Variants in PIGK observed in about 807,000 individuals in gnomAD.
PIGK encodes the protein GPI-anchor transamidase.
PIGK carries 42 observed loss-of-function variants against 50.6 expected under a neutral mutation model. The ratio of observed to expected loss-of-function variants is 0.83; its 90% confidence interval spans 0.65 to 1.07. The LOEUF (loss-of-function observed/expected upper bound fraction) is 1.07. PIGK is among the 50% of genes least tolerant of loss of function. PIGK has a pLI of 0.00. For missense variants in PIGK, 448 were observed against 488.7 expected (o/e 0.92, Z 0.78); for synonymous variants, 151 against 156.0 (o/e 0.97, Z 0.24).
intron 9 of PIGK, among the ~76,000 whole-genome samples, chr1:77,149,197 A>C (rs1283913766): frequency 6.6e-6 from 1 of 152,190 alleles, no homozygotes; most frequent in Non-Finnish European, 1.5e-5. Context: ...GTTACAAAAT[A>C]ACTAGAAAAC....
At chr1:77,136,259 GT>G (rs1654510971) in intron 9 of PIGK, among the ~76,000 whole-genome samples, 1 of 152,070 alleles carries the variant, frequency 6.6e-6, no homozygotes, top group Admixed American at 6.5e-5. Context: ...GCCGGGCGCG[GT>G]GGCTCACGCC....
chr1:77,173,658 A>C (rs1378631680), intron 3 of PIGK, among the ~76,000 whole-genome samples: 1 of 152,230 alleles, frequency 6.6e-6, no homozygotes, highest in Non-Finnish European at 1.5e-5. Flanking sequence ...AAGGATTCTG[A>C]GGCTATTCTT....
chr1:77,158,326 CT>C (rs554236558), intron 8 of PIGK, among the ~76,000 whole-genome samples: 46 of 148,068 alleles, frequency 3.1e-4, no homozygotes, highest in East Asian at 7.9e-4. Flanking sequence ...CTAAATCTCT[CT>C]TTTTTTTTTT....
chr1:77,173,221 G>C (rs746811250), intron 3 of PIGK, among the ~76,000 whole-genome samples: 2 of 152,154 alleles, frequency 1.3e-5, no homozygotes, highest in Non-Finnish European at 2.9e-5. Context: ...GAACAACGCA[G>C]TGAAATGCAT....
chr1:77,091,610 A>T lies in PIGK; in HGVS notation c.*764T>A, dbSNP rs1373348417. 6.6e-6 allele frequency: 1 copy of T among 152,182 alleles called. No individual in the cohort carries two copies. Among genetic ancestry groups the T allele is most frequent in the African/African-American group, 2.4e-5 (1 of 41,460 alleles). 9.4% of individuals were successfully genotyped at this position (152,182 alleles called of 1,614,324 possible). A position where few individuals can be genotyped will look rare whatever the true frequency, so the allele number is the denominator to read the frequency against. Reference sequence around the variant, plus strand: ...TTTCTCTTGAGCAGTCAGTACGTGAAATTATCAAAGGTCTAAAATTTCCCA... The same window carrying T: ...TTTCTCTTGAGCAGTCAGTACGTGATATTATCAAAGGTCTAAAATTTCCCA... On this transcript the variant is annotated 3_prime_UTR_variant, in exon 11 of 11. Transcript: ENST00000370812.
At chr1:77,207,330 C>T (rs1174196668) in intron 2 of PIGK, among the ~76,000 whole-genome samples, 2 of 152,182 alleles carry the variant, frequency 1.3e-5, no homozygotes, top group Non-Finnish European at 2.9e-5. Context: ...GACTCAGTAA[C>T]ATTCCTATTT....
At chr1:77,103,644 A>G (rs1033779043) in intron 10 of PIGK, among the ~76,000 whole-genome samples, 3 of 152,206 alleles carry the variant, frequency 2.0e-5, no homozygotes, top group African/African-American at 7.2e-5. Flanking sequence ...ACAGCACAAG[A>G]AAAGAGACCC....
intron 9 of PIGK, among the ~76,000 whole-genome samples, chr1:77,126,674 C>G (rs1473768508): frequency 6.6e-6 from 1 of 152,188 alleles, no homozygotes; most frequent in Non-Finnish European, 1.5e-5. Flanking sequence ...GTCATCCATA[C>G]ATTCTAAGCC....
rs1395930883 is a variant in PIGK at position 77,089,756 on chromosome 1, AACT to A, written c.*2615_*2617del. On this transcript the variant is annotated 3_prime_UTR_variant, in exon 11 of 11. Coordinates refer to ENST00000370812, the MANE Select transcript of PIGK (RefSeq NM_005482.3). ...TCCAATTTAATCAGCTTTGTATCCAAACTACATTTTCCTTTCATAAACTGCAAA... is the reference window on the plus strand; with the variant it reads ...TCCAATTTAATCAGCTTTGTATCCAAACATTTTCCTTTCATAAACTGCAAA... 5.2e-5 allele frequency: 8 copies of A among 152,662 alleles called. No homozygotes were observed. The highest frequency in any genetic ancestry group is 1.9e-4 in the African/African-American group (8 of 41,446). The allele number at this position is 152,662 out of a possible 1,614,324, so 9.5% of individuals were successfully genotyped here. A position where few individuals can be genotyped will look rare whatever the true frequency, so the allele number is the denominator to read the frequency against.
At chr1:77,109,834 G>A (rs1254740624) in intron 10 of PIGK, among the ~76,000 whole-genome samples, 8 of 152,280 alleles carry the variant, frequency 5.3e-5, no homozygotes, top group Admixed American at 2.0e-4. Context: ...CCTGTTTGCA[G>A]ATGACATGAT....
intron 10 of PIGK, among the ~76,000 whole-genome samples, chr1:77,119,528 T>A (rs531402545): frequency 6.6e-6 from 1 of 152,296 alleles, no homozygotes; most frequent in African/African-American, 2.4e-5. Flanking sequence ...ATAACTTGAG[T>A]CTCCTGGGTT....
chr1:77,152,076 C>T (rs190320394), intron 9 of PIGK, among the ~76,000 whole-genome samples: 96 of 152,028 alleles, frequency 6.3e-4, no homozygotes, highest in African/African-American at 2.1e-3. Context: ...CAAAGCTGGA[C>T]GCATCATACT....
intron 9 of PIGK, among the ~76,000 whole-genome samples, chr1:77,143,418 T>G (rs551232972): frequency 6.2e-4 from 94 of 152,220 alleles, no homozygotes; most frequent in African/African-American, 2.1e-3. Context: ...TATAAAAAAT[T>G]TTTGTGACCC....
intron 1 of PIGK, among the ~76,000 whole-genome samples, chr1:77,219,079 G>A (rs1481891024): frequency 6.6e-6 from 1 of 152,190 alleles, no homozygotes; most frequent in Non-Finnish European, 1.5e-5. Flanking sequence ...AGGAGCAAAG[G>A]ATCAGGTCCT....
chr1:77,169,470 G>T, intron 3 of PIGK, 75 bp from the exon 4 acceptor site: 1 of 1,172,628 alleles, frequency 8.5e-7, no homozygotes, highest in Non-Finnish European at 1.2e-6. Flanking sequence ...TTTATATCAT[G>T]TAGCTACTGT....
chr1:77,161,541 A>C, intron 7 of PIGK, 53 bp downstream of exon 7: 1 of 977,758 alleles, frequency 1.0e-6, no homozygotes, highest in East Asian at 2.4e-5. Context: ...TTGGTTTCAG[A>C]AATAGCTGCA....
rs755376872 is a variant in PIGK, at chr1:77,122,345, T to C, written c.1001A>G (p.Gln334Arg). The C allele has an allele frequency of 6.3e-7, 1 of 1,595,562 alleles. No homozygotes were observed. Among genetic ancestry groups the C allele is most frequent in the South Asian group, 1.1e-5 (1 of 90,486 alleles). Reference sequence around the variant, plus strand: ...AGGTTCCATTAGTTTCTCATCCATCTGGTCTTCCTTATAGCTGGAAAAGAT... The same window carrying C: ...AGGTTCCATTAGTTTCTCATCCATCCGGTCTTCCTTATAGCTGGAAAAGAT... ...EIMESSYKED[Q>R]MDEKLMEPLK... Residue 334 changes from glutamine (Q) to arginine (R), a missense_variant, in exon 10 of 11, where the codon CAG becomes CGG. Coordinates refer to ENST00000370812, the MANE Select transcript of PIGK (RefSeq NM_005482.3).
intron 3 of PIGK, among the ~76,000 whole-genome samples, chr1:77,180,042 A>G (rs1655576720): frequency 6.6e-6 from 1 of 152,074 alleles, no homozygotes; most frequent in Non-Finnish European, 1.5e-5. Context: ...AAAAGAAGCT[A>G]CTCTAAAGAC....
In PIGK at chr1:77,092,377, A is replaced by C. The variant is rs1407243390; in HGVS notation, c.1185T>G (p.Phe395Leu). 6.9e-7 allele frequency: 1 copy of C among 1,450,544 alleles called. No individual in the cohort carries two copies. Among genetic ancestry groups the C allele is most frequent in the African/African-American group, 1.4e-5 (1 of 70,846 alleles). 89.9% of individuals were successfully genotyped at this position (1,450,544 alleles called of 1,614,324 possible). Residue 395 changes from phenylalanine (F) to leucine (L), a missense_variant, in exon 11 of 11, where the codon TTT becomes TTG. Coordinates refer to ENST00000370812, the MANE Select transcript of PIGK (RefSeq NM_005482.3). ...CATTCTTCATTCATCATCAAGTCTA[A>C]AAAATGAACTTCATATGCTTAATTC... Reference protein sequence around the residue: ...TYGIKHMKFIF With the variant: ...TYGIKHMKFIL
Sources: allele counts gnomAD v4.1 joint callset (sites outside exome capture counted in the v4.1 genomes callset), GRCh38; gene constraint gnomAD v4.1.1; transcripts MANE v1.5; gene names NCBI Gene and HGNC (gene_info 2026-07-23, HGNC 2026-07-21).